The following SATB1 variants were observed in gnomAD, a reference collection of about 807,000 sequenced individuals.
The protein encoded by SATB1 is SATB homeobox 1.
In SATB1, 11 loss-of-function variants were observed where a neutral mutation model predicts 86.9. The observed-to-expected ratio is 0.13, with a 90% CI of 0.08 to 0.21. SATB1 has a LOEUF of 0.21. Ranked by LOEUF, SATB1 falls within the 10% of genes least tolerant of loss-of-function variation. The pLI is 1.00. For missense variants in SATB1, 551 were observed against 937.6 expected, an observed-to-expected ratio of 0.59 and a Z score of 5.39; for synonymous variants, 357 against 357.2, an observed-to-expected ratio of 1.00 and a Z score of 0.01.
chr3:18,370,515 CAAAAAAAAAA>C (rs11391230), intron 9 of SATB1, among the ~76,000 whole-genome samples: 1 of 49,440 alleles, frequency 2.0e-5, no homozygotes, highest in East Asian at 1.1e-3. Context: ...CTGAGAGAGG[CAAAAAAAAAA>C]AAAAAAAAAA....
intron 8 of SATB1, among the ~76,000 whole-genome samples, chr3:18,384,321 T>A (rs1696212954): frequency 6.6e-6 from 1 of 152,202 alleles, no homozygotes; most frequent in Admixed American, 6.5e-5. Context: ...AGAATTGGTA[T>A]AACTTTAGCT....
intron 8 of SATB1, among the ~76,000 whole-genome samples, chr3:18,385,112 C>G (rs1696264475): frequency 6.6e-6 from 1 of 152,156 alleles, no homozygotes; most frequent in Admixed American, 6.5e-5. Flanking sequence ...GTAGTACTTT[C>G]ACTCTTTAGT....
At chr3:18,422,763 T>C (rs1042848140) in intron 1 of SATB1, among the ~76,000 whole-genome samples, 1 of 152,118 alleles carries the variant, frequency 6.6e-6, no homozygotes, top group Non-Finnish European at 1.5e-5. Context: ...CTTTAGCCCT[T>C]GGGGCAATTT....
chr3:18,421,994 C>A (rs1288286776), intron 1 of SATB1, among the ~76,000 whole-genome samples: 1 of 152,018 alleles, frequency 6.6e-6, no homozygotes, highest in Non-Finnish European at 1.5e-5. Context: ...ATATATTAGA[C>A]ATCAATTTTC....
chr3:18,393,807 T>C (rs999936456), intron 7 of SATB1, among the ~76,000 whole-genome samples: 1 of 152,234 alleles, frequency 6.6e-6, no homozygotes, highest in African/African-American at 2.4e-5. Flanking sequence ...AAATATTTAC[T>C]ATCTGGTCGA....
At chr3:18,390,980 C>A (rs979427353) in intron 7 of SATB1, among the ~76,000 whole-genome samples, 4 of 152,082 alleles carry the variant, frequency 2.6e-5, no homozygotes, top group Non-Finnish European at 5.9e-5. Flanking sequence ...GTAGGCATAA[C>A]TGAATGAATG....
chr3:18,349,824 C>T lies in SATB1; in HGVS notation c.1780-142G>A, dbSNP rs143344767. ...GAAGATTTAGAAAGAAAAGGTAGGC[C>T]GGCGAAATGGCCGACAGCATTTACA... On this transcript the variant is annotated intron_variant, in intron 10 of 10. Coordinates refer to ENST00000338745, the MANE Select transcript of SATB1 (RefSeq NM_002971.6). The surrounding 1 kb of genome is among the most constrained non-coding windows in gnomAD (Gnocchi z 5.5). 2.0e-3 allele frequency: 2,781 copies of T among 1,378,686 alleles called. 40 individuals are homozygous for T. In the East Asian group the frequency reaches 0.042, roughly 21 times the overall value. 85.4% of individuals were successfully genotyped at this position (1,378,686 alleles called of 1,614,324 possible).
At chr3:18,354,163 T>C (rs1398898105) in intron 9 of SATB1, among the ~76,000 whole-genome samples, 1 of 152,184 alleles carries the variant, frequency 6.6e-6, no homozygotes, top group Admixed American at 6.5e-5. Context: ...CCCACTTGCA[T>C]ATGGTGCCCT....
chr3:18,410,304 T>C (rs17044443), intron 5 of SATB1, among the ~76,000 whole-genome samples: 1,660 of 152,198 alleles, frequency 0.011, 32 homozygotes, highest in South Asian at 0.044. Context: ...ATCCAATTCA[T>C]CTGAGAGGCT....
intron 9 of SATB1, among the ~76,000 whole-genome samples, chr3:18,363,547 C>T (rs963243347): frequency 1.3e-5 from 2 of 152,118 alleles, no homozygotes; most frequent in Admixed American, 6.6e-5. Context: ...TCAGAGAAGG[C>T]TCCAGGGGAG....
intron 5 of SATB1, among the ~76,000 whole-genome samples, chr3:18,407,171 A>T (rs1697579987): frequency 6.6e-6 from 1 of 152,056 alleles, no homozygotes; most frequent in South Asian, 2.1e-4. Flanking sequence ...CCCATCAGGT[A>T]TCTTTATTCT....
At chr3:18,370,872 G>A (rs971177098) in intron 9 of SATB1, among the ~76,000 whole-genome samples, 9 of 152,190 alleles carry the variant, frequency 5.9e-5, no homozygotes, top group African/African-American at 1.9e-4. Context: ...GTTCCCATCC[G>A]TAGCGTCGAT....
rs1214636148 is a variant in SATB1, at chr3:18,346,878, G to A, written c.*2292C>T. 4 of 152,012 alleles carry A rather than the reference G, an allele frequency of 2.6e-5. No individual in the cohort carries two copies. The highest frequency in any genetic ancestry group is 4.4e-5 in the Non-Finnish European group (3 of 67,972). 9.4% of individuals were successfully genotyped at this position (152,012 alleles called of 1,614,324 possible). A position where few individuals can be genotyped will look rare whatever the true frequency, so the allele number is the denominator to read the frequency against. ...TTTATTTCCTATTTTTTAAATACAT[G>A]AAACCTAGTTTCTATTTTCTTAATT... On this transcript the variant is annotated 3_prime_UTR_variant, in exon 11 of 11. Transcript: ENST00000338745.
At chr3:18,389,605 G>A (rs1019900722) in intron 7 of SATB1, among the ~76,000 whole-genome samples, 11 of 152,120 alleles carry the variant, frequency 7.2e-5, no homozygotes, top group African/African-American at 1.7e-4. Context: ...GACAGTAAGC[G>A]TGACCTTTTA....
rs1288231556 is a variant in SATB1, at chr3:18,394,453, A to C, written c.1206+9T>G. ...GACAGCACAGAACCACTTATGAAAC[A>C]CAACTGACCTGAGTTCTGTTAAAAG... On this transcript the variant is annotated intron_variant, in intron 7 of 10. Transcript: ENST00000338745. This position sits in a 1 kb window ranked among gnomAD's most constrained non-coding sequence, Gnocchi z 5.9. The C allele has an allele frequency of 9.3e-6, 15 of 1,612,552 alleles. No individual in the cohort carries two copies. The highest frequency in any genetic ancestry group is 1.3e-5 in the Non-Finnish European group (15 of 1,178,638).
At chr3:18,434,542 A>C (rs143811598) in intron 2 of SATB1, among the ~76,000 whole-genome samples, 1 of 152,164 alleles carries the variant, frequency 6.6e-6, no homozygotes, top group East Asian at 1.9e-4. Context: ...TAATACCCCT[A>C]CTATTAAGTA....
rs1698345508 is a variant in SATB1, at chr3:18,420,761, C to T, written c.207G>A (p.Arg69=). Residue 69 remains arginine (R), a synonymous_variant, in exon 2 of 11, where the codon AGG becomes AGA. Transcript: ENST00000338745. The part of the protein sequence containing the change: ...HSGHLMKTNL[R]KGTMLPVFCV... ...ATTTGGCTTGAAGGTATTTACCTTT[C>T]CTAAGGTTGGTTTTCATCAGATGGC... is the stretch of plus-strand genomic sequence containing the variant. 3.1e-6 allele frequency: 5 copies of T among 1,613,226 alleles called. No individual in the cohort carries two copies. The highest frequency in any genetic ancestry group is 4.2e-6 in the Non-Finnish European group (5 of 1,179,886).
chr3:18,378,281 C>T lies in SATB1; in HGVS notation c.1464G>A (p.Glu488=). 1 of 1,611,298 alleles carries T rather than the reference C, an allele frequency of 6.2e-7. No homozygotes were observed. The highest frequency in any genetic ancestry group is 8.5e-7 in the Non-Finnish European group (1 of 1,178,938). ...AAGCATTAATGTTCATGGTATTGTT[C>T]TCTGGTTTCCCATTCCTTTCAGTGG... is the stretch of plus-strand genomic sequence containing the variant. ...TIATERNGKP[E]NNTMNINASI... The change falls in exon 9 of 11, where the codon GAG becomes GAA. Residue 488 remains glutamate, a synonymous_variant. Coordinates refer to ENST00000338745, the MANE Select transcript of SATB1 (RefSeq NM_002971.6).
Position 18,345,626 on chromosome 3 carries a change from T to G in SATB1, c.*3544A>C, listed in dbSNP as rs1481627656. 6.6e-6 allele frequency: 1 copy of G among 152,104 alleles called. No homozygotes were observed. The highest frequency in any genetic ancestry group is 6.6e-5 in the Admixed American group (1 of 15,262). The allele number at this position is 152,104 out of a possible 1,614,324, so 9.4% of individuals were successfully genotyped here. ...AAGCCCTCTTAAAAAGTCAAAAATA[T>G]GCATAAAGAAGACTAGTATTGATAT... On this transcript the variant is annotated 3_prime_UTR_variant, in exon 11 of 11. Coordinates refer to ENST00000338745, the MANE Select transcript of SATB1 (RefSeq NM_002971.6).
Sources: allele counts gnomAD v4.1 joint callset (sites outside exome capture counted in the v4.1 genomes callset), GRCh38; gene constraint gnomAD v4.1.1; non-coding constraint Gnocchi (gnomAD v3.1); transcripts MANE v1.5; gene names NCBI Gene and HGNC (gene_info 2026-07-23, HGNC 2026-07-21).